Variants in RBM19 observed in about 807,000 individuals in gnomAD.
The protein encoded by RBM19 is probable RNA-binding protein 19.
Under a neutral mutation model 116.8 loss-of-function variants are expected in RBM19, and 94 were observed. The observed-to-expected ratio is 0.80, with a 90% CI of 0.68 to 0.95. RBM19 has a LOEUF of 0.95. Ranked by LOEUF, RBM19 falls within the 40% of genes least tolerant of loss-of-function variation. RBM19 has a pLI of 0.00. For synonymous variants in RBM19, 475 were observed against 494.1 expected, an observed-to-expected ratio of 0.96 and a Z score of 0.51; for missense variants, 1,161 against 1,220.7, an observed-to-expected ratio of 0.95 and a Z score of 0.73.
At chr12:113,834,811 C>T (rs529393649) in intron 23 of RBM19, among the ~76,000 whole-genome samples, 172 of 152,148 alleles carry the variant, frequency 1.1e-3, no homozygotes, top group African/African-American at 4.1e-3. Flanking sequence ...GCCTTCAGAC[C>T]GGGAACTAAC....
rs1394045958 is a variant in RBM19, at chr12:113,898,420, T to C, written c.2558+16549A>G. The stretch of plus-strand genomic sequence containing the variant: ...GACACTAGAGTGTTCAGATCATGTC[T>C]CTGCACCTAACCAACTGGCAACAAG... On this transcript the variant is annotated intron_variant, in intron 21 of 23. Transcript: ENST00000261741. The surrounding 1 kb of genome is among the most constrained non-coding windows in gnomAD (Gnocchi z 4.3). 6.6e-6 allele frequency among the ~76,000 whole-genome samples: 1 copy of C among 152,184 alleles called. No individual in the cohort carries two copies. The highest frequency in any genetic ancestry group is 1.5e-5 in the Non-Finnish European group (1 of 68,042).
intron 5 of RBM19, among the ~76,000 whole-genome samples, chr12:113,958,759 C>A (rs1030148129): frequency 7.9e-5 from 12 of 152,190 alleles, no homozygotes; most frequent in Non-Finnish European, 1.6e-4. Flanking sequence ...CACCACAAAC[C>A]CCTTCTGAGG....
In RBM19 at chr12:113,858,871, G is replaced by C; in HGVS notation, c.2584C>G (p.Arg862Gly). Residue 862 changes from arginine (R) to glycine (G), a missense_variant, in exon 22 of 24, where the codon CGC becomes GGC. Physicochemically the swap from Arg to Gly is moderately radical, Grantham distance 125. Transcript: ENST00000261741. ...GTCCCAGTCATCTTCTTTGGCAGGC[G>C]GACCGTCTTCAACTCCCCAAAGGTG... is the stretch of plus-strand genomic sequence containing the variant. ...FSTFGELKTV[R>G]LPKKMTGTGT... 1 of 1,614,152 alleles carries C rather than the reference G, an allele frequency of 6.2e-7. No homozygotes were observed. Among genetic ancestry groups the C allele is most frequent in the South Asian group, 1.1e-5 (1 of 91,076 alleles).
intron 21 of RBM19, among the ~76,000 whole-genome samples, chr12:113,882,097 C>T (rs1178819381): frequency 6.6e-6 from 1 of 152,252 alleles, no homozygotes; most frequent in East Asian, 1.9e-4. Flanking sequence ...TCTGTCAGCT[C>T]ATGTGCTCTC....
At chr12:113,892,276 C>T (rs888794446) in intron 21 of RBM19, among the ~76,000 whole-genome samples, 1 of 152,160 alleles carries the variant, frequency 6.6e-6, no homozygotes, top group African/African-American at 2.4e-5. Context: ...AGTCACTTAA[C>T]CTCTCTGACC....
At chr12:113,916,821 A>T (rs1234150098) in intron 20 of RBM19, among the ~76,000 whole-genome samples, 2 of 152,168 alleles carry the variant, frequency 1.3e-5, no homozygotes, top group African/African-American at 4.8e-5. Context: ...CGACATCCTG[A>T]CTGTAACCTC....
At chr12:113,944,014 A>G (rs1379935662) in intron 13 of RBM19, among the ~76,000 whole-genome samples, 2 of 150,822 alleles carry the variant, frequency 1.3e-5, no homozygotes, top group East Asian at 2.0e-4. Context: ...CAAGGAGCTT[A>G]CGAGCCAAAT....
intron 21 of RBM19, among the ~76,000 whole-genome samples, chr12:113,896,481 C>T (rs1299233001): frequency 6.6e-6 from 1 of 152,170 alleles, no homozygotes; most frequent in Non-Finnish European, 1.5e-5. Flanking sequence ...CCAGCTCTTG[C>T]CAGGAACACT....
In RBM19 at chr12:113,959,306, C is replaced by T. The variant is rs573482794; in HGVS notation, c.477G>A (p.Ser159=). Residue 159 remains serine (S), a synonymous_variant, in exon 5 of 24, where the codon TCG becomes TCA. Transcript: ENST00000261741. Reference sequence around the variant, plus strand: ...CACTGGCCGGCTTGCTCTTCCCTTTCGAGGGCTCAGCATCCAGGCCATCAT... The same window carrying T: ...CACTGGCCGGCTTGCTCTTCCCTTTTGAGGGCTCAGCATCCAGGCCATCAT... ...WANDGLDAEP[S]KGKSKPASDY... is the part of the protein sequence containing the mutation. 7.7e-5 allele frequency: 124 copies of T among 1,614,094 alleles called. No individual in the cohort carries two copies. Among genetic ancestry groups the T allele is most frequent in the South Asian group, 6.8e-4 (62 of 91,062 alleles).
Position 113,957,926 on chromosome 12 carries a change from T to C in RBM19, c.696A>G (p.Glu232=). The change falls in exon 6 of 24, where the codon GAA becomes GAG. Residue 232 remains glutamate (E), a synonymous_variant. Coordinates refer to ENST00000261741, the MANE Select transcript of RBM19 (RefSeq NM_016196.4). ...SSSEEEESED[E]AVHCDEGSEA... ...CACTCCCTTCATCACAGTGCACGGC[T>C]TCATCTTCACTTTCCTCTTCCTCCG... 1 of 1,614,166 alleles carries C rather than the reference T, an allele frequency of 6.2e-7. No individual in the cohort carries two copies. The highest frequency in any genetic ancestry group is 8.5e-7 in the Non-Finnish European group (1 of 1,180,016).
intron 11 of RBM19, 95 bp downstream of exon 11, chr12:113,947,239 C>T (rs531098145): frequency 2.7e-5 from 38 of 1,404,520 alleles, no homozygotes; most frequent in Non-Finnish European, 3.2e-5. Context: ...ACAAAGTGGA[C>T]GCCCGTGTCC....
chr12:113,953,259 C>A (rs888699783), intron 7 of RBM19, among the ~76,000 whole-genome samples: 1 of 152,158 alleles, frequency 6.6e-6, no homozygotes, highest in Non-Finnish European at 1.5e-5. Context: ...GAGTCCAAGG[C>A]GGGTGATCAC....
At chr12:113,951,309 G>C (rs1456078074) in intron 8 of RBM19, among the ~76,000 whole-genome samples, 1 of 152,032 alleles carries the variant, frequency 6.6e-6, no homozygotes, top group Non-Finnish European at 1.5e-5. Flanking sequence ...CCTCCAATAT[G>C]GTTTTCTCTT....
rs1319537399 is a variant in RBM19 at position 113,950,163 on chromosome 12, G to A, written c.1001-9C>T. On this transcript the variant is annotated splice_polypyrimidine_tract_variant and intron_variant, in intron 8 of 23. Coordinates refer to ENST00000261741, the MANE Select transcript of RBM19 (RefSeq NM_016196.4). ...ATCCACAAAGATGTATCCTGACAGA[G>A]GACAATGACAGAGGTAAAATCTGCA... 6.9e-6 allele frequency: 11 copies of A among 1,600,900 alleles called. No individual in the cohort carries two copies. In the African/African-American group the frequency reaches 1.3e-4, roughly 19 times the overall value.
intron 18 of RBM19, 67 bp downstream of exon 18, chr12:113,924,630 G>A (rs1190675596): frequency 2.1e-5 from 29 of 1,385,278 alleles, no homozygotes; most frequent in Non-Finnish European, 3.0e-5. Flanking sequence ...TCTGAAGCTG[G>A]AGCTTCTTTT....
intron 15 of RBM19, 133 bp downstream of exon 15, chr12:113,939,827 T>C (rs190710663): frequency 1.0e-5 from 9 of 894,952 alleles, no homozygotes; most frequent in African/African-American, 5.0e-5. Context: ...TATTCAGCCA[T>C]GATCGTGACG....
At chr12:113,966,058 C>G (rs1040416324) in intron 1 of RBM19, 134 bp downstream of exon 1, 29 of 973,238 alleles carry the variant, frequency 3.0e-5, no homozygotes, top group Admixed American at 2.5e-4. Context: ...GATCCCGCCC[C>G]CTTTGAGTTC....
chr12:113,954,648 G>A (rs1006539940), intron 7 of RBM19, among the ~76,000 whole-genome samples: 1 of 152,194 alleles, frequency 6.6e-6, no homozygotes, highest in African/African-American at 2.4e-5. Flanking sequence ...CACGAAGAAC[G>A]AAAATTAAGT....
intron 21 of RBM19, among the ~76,000 whole-genome samples, chr12:113,875,814 G>A (rs1879633092): frequency 6.6e-6 from 1 of 152,178 alleles, no homozygotes. Context: ...TGTCTCTGGC[G>A]ACGCACAAAG....
Sources: allele counts gnomAD v4.1 joint callset (sites outside exome capture counted in the v4.1 genomes callset), GRCh38; gene constraint gnomAD v4.1.1; non-coding constraint Gnocchi (gnomAD v3.1); transcripts MANE v1.5; gene names NCBI Gene and HGNC (gene_info 2026-07-23, HGNC 2026-07-21).